XYLT1: variants seen among roughly 807,000 people sequenced by gnomAD.
The protein encoded by XYLT1 is beta-D-xylosyltransferase 1.
In XYLT1, 36 loss-of-function variants were observed where a neutral mutation model predicts 91.3. That is an observed-to-expected ratio of 0.39 (90% CI 0.30 to 0.52). XYLT1 has a LOEUF of 0.52. Among genes scored for constraint, XYLT1 ranks in the 20% least tolerant of loss-of-function variants. XYLT1 has a pLI of 0.68. For synonymous variants in XYLT1, 588 were observed against 532.0 expected (o/e 1.11, Z -1.45); for missense variants, 1,242 against 1,284.5 (o/e 0.97, Z 0.51).
intron 1 of XYLT1, among the ~76,000 whole-genome samples, chr16:17,470,061 G>A (rs1289040106): frequency 6.6e-6 from 1 of 152,002 alleles, no homozygotes; most frequent in Non-Finnish European, 1.5e-5. Flanking sequence ...CTGAGGATCC[G>A]GGGAGATCCA....
chr16:17,354,326 C>T (rs1358213606), intron 2 of XYLT1, among the ~76,000 whole-genome samples: 1 of 152,202 alleles, frequency 6.6e-6, no homozygotes, highest in Non-Finnish European at 1.5e-5. Context: ...ATGCAAAGCT[C>T]TGCTGTGCTA....
chr16:17,419,612 A>T (rs188190214), intron 1 of XYLT1, among the ~76,000 whole-genome samples: 1 of 152,342 alleles, frequency 6.6e-6, no homozygotes, highest in Admixed American at 6.5e-5. Flanking sequence ...AATGCCTTTG[A>T]CTGAAATGAC....
At chr16:17,428,460 G>C (rs1164447426) in intron 1 of XYLT1, among the ~76,000 whole-genome samples, 1 of 152,200 alleles carries the variant, frequency 6.6e-6, no homozygotes, top group Non-Finnish European at 1.5e-5. Context: ...AGGGGCTGTT[G>C]AGAGAATTAA....
intron 3 of XYLT1, 54 bp from the exon 4 acceptor site, chr16:17,200,708 G>C: frequency 6.3e-7 from 1 of 1,587,232 alleles, no homozygotes; most frequent in East Asian, 2.3e-5. Flanking sequence ...GCCATCCTTT[G>C]CAGGGGTGGG....
intron 5 of XYLT1, among the ~76,000 whole-genome samples, chr16:17,161,897 A>G (rs1267612235): frequency 6.6e-6 from 1 of 152,088 alleles, no homozygotes; most frequent in Non-Finnish European, 1.5e-5. Context: ...CCACCATGGG[A>G]GTCACTGGGA....
chr16:17,325,903 C>T (rs192886995), intron 2 of XYLT1, among the ~76,000 whole-genome samples: 1 of 152,302 alleles, frequency 6.6e-6, no homozygotes, highest in African/African-American at 2.4e-5. Context: ...AGCATCATGT[C>T]TATGCAGGGG....
Position 17,207,902 on chromosome 16 carries a change from C to G in XYLT1, c.914-7248G>C, listed in dbSNP as rs951480204. On this transcript the variant is annotated intron_variant, in intron 3 of 11. Coordinates refer to ENST00000261381, the MANE Select transcript of XYLT1 (RefSeq NM_022166.4). ...GTGGCCAAGCCAGCACCTGTCAGGTCTCAGGAGAAATGACCCTTCCTTGGG... is the reference window on the plus strand; with the variant it reads ...GTGGCCAAGCCAGCACCTGTCAGGTGTCAGGAGAAATGACCCTTCCTTGGG... Among the ~76,000 whole-genome samples, 4 of 152,308 alleles carry G rather than the reference C, an allele frequency of 2.6e-5. No individual in the cohort carries two copies. The East Asian group carries it at 7.7e-4, about 29-fold the overall frequency.
At chr16:17,371,416 G>GC (rs2035530593) in intron 1 of XYLT1, among the ~76,000 whole-genome samples, 1 of 152,240 alleles carries the variant, frequency 6.6e-6, no homozygotes, top group African/African-American at 2.4e-5. Context: ...CAACTTCTGA[G>GC]CTGTAGGATG....
At chr16:17,145,826 T>C (rs963564680) in intron 6 of XYLT1, among the ~76,000 whole-genome samples, 2 of 152,236 alleles carry the variant, frequency 1.3e-5, no homozygotes, top group African/African-American at 4.8e-5. Flanking sequence ...TGCTTCCTCT[T>C]CCACTGAGCC....
chr16:17,290,605 GC>G (rs1680615442), intron 2 of XYLT1, among the ~76,000 whole-genome samples: 1 of 152,238 alleles, frequency 6.6e-6, no homozygotes, highest in Admixed American at 6.5e-5. Context: ...CTACCATGGA[GC>G]ATGCACTTGT....
intron 1 of XYLT1, among the ~76,000 whole-genome samples, chr16:17,382,768 C>A (rs1254984022): frequency 6.6e-6 from 1 of 151,886 alleles, no homozygotes; most frequent in Non-Finnish European, 1.5e-5. Flanking sequence ...AGATAACGGT[C>A]CCCATACTGG....
intron 1 of XYLT1, among the ~76,000 whole-genome samples, chr16:17,424,906 C>A (rs2036296250): frequency 6.6e-6 from 1 of 151,822 alleles, no homozygotes; most frequent in African/African-American, 2.4e-5. Context: ...TGGACACACA[C>A]CCCGACACTG....
At chr16:17,389,480 G>T (rs970145636) in intron 1 of XYLT1, among the ~76,000 whole-genome samples, 2 of 152,232 alleles carry the variant, frequency 1.3e-5, no homozygotes, top group Non-Finnish European at 2.9e-5. Flanking sequence ...GCAGAAGGTT[G>T]AGAAAGGAGT....
intron 1 of XYLT1, among the ~76,000 whole-genome samples, chr16:17,445,217 GGA>G (rs2036577389): frequency 1.3e-5 from 2 of 151,084 alleles, no homozygotes. Context: ...CTGGTCTCAA[GGA>G]GCCTGAGCTT....
intron 1 of XYLT1, among the ~76,000 whole-genome samples, chr16:17,414,373 C>A (rs1567194836): frequency 6.6e-6 from 1 of 152,136 alleles, no homozygotes; most frequent in Non-Finnish European, 1.5e-5. Context: ...CTCTATCACC[C>A]AGGCCAGAGT....
chr16:17,154,437 T>G (rs2031356899), intron 6 of XYLT1, among the ~76,000 whole-genome samples: 1 of 152,218 alleles, frequency 6.6e-6, no homozygotes. Flanking sequence ...GGAAGAGGCC[T>G]GTCCCCACAC....
At chr16:17,465,988 T>C (rs1402667875) in intron 1 of XYLT1, among the ~76,000 whole-genome samples, 1 of 152,216 alleles carries the variant, frequency 6.6e-6, no homozygotes, top group Non-Finnish European at 1.5e-5. Context: ...ATGTCAGGCC[T>C]GAGGGTACTC....
At chr16:17,167,616 A>T (rs1386636711) in intron 5 of XYLT1, among the ~76,000 whole-genome samples, 1 of 146,130 alleles carries the variant, frequency 6.8e-6, no homozygotes, top group Non-Finnish European at 1.5e-5. Flanking sequence ...ATTCTAACCC[A>T]TCCTTCCATC....
At chr16:17,274,887 C>A (rs1471886142) in intron 2 of XYLT1, among the ~76,000 whole-genome samples, 2 of 152,068 alleles carry the variant, frequency 1.3e-5, no homozygotes, top group Middle Eastern at 3.2e-3. Context: ...TTAAAACTCT[C>A]AGAGCAGGGC....
Sources: gnomAD v4.1 joint callset for allele counts (sites outside exome capture counted in the v4.1 genomes callset) on GRCh38, gnomAD v4.1.1 for gene constraint, MANE v1.5 for transcripts, NCBI Gene and HGNC (gene_info 2026-07-23, HGNC 2026-07-21) for gene names.